The following TNFRSF1B variants were observed in gnomAD, a reference collection of about 807,000 sequenced individuals.
The protein encoded by TNFRSF1B is tumor necrosis factor receptor superfamily member 1B.
A neutral mutation model predicts 44.6 loss-of-function variants in TNFRSF1B; 19 were observed. The ratio of observed to expected loss-of-function variants is 0.43; its 90% CI spans 0.30 to 0.62. TNFRSF1B has a LOEUF of 0.62. TNFRSF1B is among the 20% of genes least tolerant of loss of function. TNFRSF1B has a pLI of 0.16. For missense variants in TNFRSF1B, 541 were observed against 619.9 expected (o/e 0.87, Z 1.35); for synonymous variants, 252 against 261.1 (o/e 0.97, Z 0.34).
intron 1 of TNFRSF1B, among the ~76,000 whole-genome samples, chr1:12,174,160 T>C (rs77984329): frequency 0.025 from 1,699 of 67,604 alleles, 135 homozygotes; most frequent in Middle Eastern, 0.069. Context: ...TTCTTCTTCT[T>C]CTTCTCCTTC....
intron 9 of TNFRSF1B, among the ~76,000 whole-genome samples, chr1:12,202,538 TCTC>T (rs760985536): frequency 1.4e-4 from 21 of 152,144 alleles, no homozygotes; most frequent in Non-Finnish European, 2.4e-4. Context: ...GACATTGTCT[TCTC>T]CTGTCTCCCA....
Position 12,181,708 on chromosome 1 carries a change from TG to T in TNFRSF1B, c.79-7082del, listed in dbSNP as rs532965401. ...AGTCGCCTGCTCGAGCTGCCCTCCC[TG>T]GGGGGAAGGGGATGGGGGCAGAAGC... On this transcript the variant is annotated intron_variant, in intron 1 of 9. Coordinates refer to ENST00000376259, the MANE Select transcript of TNFRSF1B (RefSeq NM_001066.3). Among the ~76,000 whole-genome samples, 324 of 152,232 alleles carry T rather than the reference TG, an allele frequency of 2.1e-3. 3 individuals are homozygous for T. The highest frequency in any genetic ancestry group is 7.5e-3 in the South Asian group (36 of 4,818).
chr1:12,167,144 C>T lies in TNFRSF1B; in HGVS notation c.53C>T (p.Ala18Val). 1.5e-6 allele frequency: 2 copies of T among 1,332,336 alleles called. No individual in the cohort carries two copies. Among genetic ancestry groups the T allele is most frequent in the Non-Finnish European group, 1.9e-6 (2 of 1,037,740 alleles). 82.5% of individuals were successfully genotyped at this position (1,332,336 alleles called of 1,614,324 possible). A position where few individuals can be genotyped will look rare whatever the true frequency, so the allele number is the denominator to read the frequency against. The change falls in exon 1 of 10, where the codon GCT (alanine) becomes GTT (valine). Residue 18 changes from alanine (A) to valine (V), a missense_variant. Physicochemically the swap from Ala to Val is moderately conservative, Grantham distance 64 (BLOSUM62 0). Transcript: ENST00000376259. ...AALAVGLELWAAAHALPAQVA... is the reference protein window; with the variant it reads ...AALAVGLELWVAAHALPAQVA... ...CTGGCCGTCGGACTGGAGCTCTGGG[C>T]TGCGGCGCACGCCTTGCCCGCCCAG...
rs760020939 is a variant in TNFRSF1B, at chr1:12,188,818, C to G, written c.101C>G (p.Pro34Arg). Residue 34 changes from proline to arginine, a missense_variant, in exon 2 of 10, where the codon CCG becomes CGG. Transcript: ENST00000376259. Reference sequence around the variant, plus strand: ...CAGGTGGCATTTACACCCTACGCCCCGGAGCCCGGGAGCACATGCCGGCTC... The same window carrying G: ...CAGGTGGCATTTACACCCTACGCCCGGGAGCCCGGGAGCACATGCCGGCTC... ...PAQVAFTPYAPEPGSTCRLRE... is the reference protein window; with the variant it reads ...PAQVAFTPYAREPGSTCRLRE... 2.8e-5 allele frequency: 45 copies of G among 1,613,816 alleles called. 2 individuals are homozygous for G. The South Asian group carries it at 4.7e-4, about 17-fold the overall frequency.
chr1:12,191,100 A>G lies in TNFRSF1B; in HGVS notation c.307+15A>G, dbSNP rs1557633552. 1.2e-6 allele frequency: 2 copies of G among 1,611,896 alleles called. No individual in the cohort carries two copies. Among genetic ancestry groups the G allele is most frequent in the Non-Finnish European group, 8.5e-7 (1 of 1,178,378 alleles). On this transcript the variant is annotated intron_variant, in intron 3 of 9. Coordinates refer to ENST00000376259, the MANE Select transcript of TNFRSF1B (RefSeq NM_001066.3). ...CTGTAGCTCTGGTGAGTAGGTTCAG[A>G]GAAAAAGGGGGCCCTTACACCCCTG...
At chr1:12,167,897 C>T (rs1638431965) in intron 1 of TNFRSF1B, among the ~76,000 whole-genome samples, 1 of 152,136 alleles carries the variant, frequency 6.6e-6, no homozygotes, top group Non-Finnish European at 1.5e-5. Flanking sequence ...AGCAGAAACC[C>T]TAGGGCTCCT....
rs1273755911 is a variant in TNFRSF1B at position 12,171,421 on chromosome 1, C to T, written c.78+4252C>T. On this transcript the variant is annotated intron_variant, in intron 1 of 9. Transcript: ENST00000376259. This position sits in a 1 kb window ranked among gnomAD's most constrained non-coding sequence, Gnocchi z 4.5. ...CCCATCACCTCCAATACTCCTCCTG[C>T]TGACGTCTCTTGGTCTCCTTCCCTC... Among the ~76,000 whole-genome samples the T allele has an allele frequency of 6.6e-6, 1 of 152,250 alleles. No individual in the cohort carries two copies. Among genetic ancestry groups the T allele is most frequent in the Admixed American group, 6.5e-5 (1 of 15,288 alleles).
intron 1 of TNFRSF1B, among the ~76,000 whole-genome samples, chr1:12,175,967 C>A (rs561722983): frequency 5.4e-4 from 82 of 152,064 alleles, no homozygotes; most frequent in African/African-American, 1.9e-3. Flanking sequence ...GTAATCCCAG[C>A]ACTTTGGGAG....
Position 12,208,584 on chromosome 1 carries a change from T to C in TNFRSF1B, c.*1564T>C, listed in dbSNP as rs1415400307. The C allele has an allele frequency of 2.0e-5, 3 of 152,330 alleles. No individual in the cohort carries two copies. The allele number at this position is 152,330 out of a possible 1,614,324, so 9.4% of individuals were successfully genotyped here. On this transcript the variant is annotated 3_prime_UTR_variant, in exon 10 of 10. Coordinates refer to ENST00000376259, the MANE Select transcript of TNFRSF1B (RefSeq NM_001066.3). ...GGAAACCAGTGTAGCCTTGCCCGGA[T>C]TCTGGGAGGAAGCAGGTTGAGGGGC...
intron 1 of TNFRSF1B, among the ~76,000 whole-genome samples, chr1:12,183,658 A>ATCTATCTATCTATCTATCTAT (rs1553163385): frequency 8.9e-4 from 60 of 67,148 alleles, no homozygotes; most frequent in East Asian, 2.9e-3. Flanking sequence ...TATCTATTTT[A>ATCTATCTATCTATCTATCTAT]TCTATCTATC....
intron 1 of TNFRSF1B, among the ~76,000 whole-genome samples, chr1:12,185,903 A>T (rs1638977028): frequency 6.6e-6 from 1 of 152,144 alleles, no homozygotes; most frequent in Non-Finnish European, 1.5e-5. Flanking sequence ...GGCCATGAGG[A>T]GAGCCATGAG....
At position 12,207,247 on chromosome 1, in the gene TNFRSF1B, G is replaced by A. The variant is rs1296915204; in HGVS notation, c.*227G>A. The A allele has an allele frequency of 2.3e-5, 10 of 438,330 alleles. No individual in the cohort carries two copies. Among genetic ancestry groups the A allele is most frequent in the Middle Eastern group, 5.6e-4 (1 of 1,772 alleles). 27.2% of individuals were successfully genotyped at this position (438,330 alleles called of 1,614,324 possible). On this transcript the variant is annotated 3_prime_UTR_variant, in exon 10 of 10. Coordinates refer to ENST00000376259, the MANE Select transcript of TNFRSF1B (RefSeq NM_001066.3). The stretch of plus-strand genomic sequence containing the variant: ...TCTGCTGCCATGGCGTGTCCCTCTC[G>A]GAAGGCTGGCTGGGCATGGACGTTC...
At chr1:12,206,206 G>A (rs1466060949) in intron 9 of TNFRSF1B, among the ~76,000 whole-genome samples, 1 of 152,058 alleles carries the variant, frequency 6.6e-6, no homozygotes, top group African/African-American at 2.4e-5. Flanking sequence ...CAGGCAACCT[G>A]GCGAAACCCT....
rs60313758 is a variant in TNFRSF1B, at chr1:12,198,691, G to GTTTTTTTT, written c.901-3266_901-3259dup. Reference sequence around the variant, plus strand: ...TGGCTGGCTGGCTGGCTGGAATTCTGTTTTTTTTTTTTTTTTTGAGAAAGA... The same window carrying GTTTTTTTT: ...TGGCTGGCTGGCTGGCTGGAATTCTGTTTTTTTTTTTTTTTTTTTTTTTTTGAGAAAGA... On this transcript the variant is annotated intron_variant, in intron 8 of 9. Coordinates refer to ENST00000376259, the MANE Select transcript of TNFRSF1B (RefSeq NM_001066.3). 3.3e-4 allele frequency among the ~76,000 whole-genome samples: 28 copies of GTTTTTTTT among 85,626 alleles called. 4 individuals are homozygous for GTTTTTTTT. Among genetic ancestry groups the GTTTTTTTT allele is most frequent in the South Asian group, 3.9e-4 (1 of 2,574 alleles). 56.2% of individuals were successfully genotyped at this position (85,626 alleles called of 152,430 possible). A position where few individuals can be genotyped will look rare whatever the true frequency, so the allele number is the denominator to read the frequency against.
intron 1 of TNFRSF1B, among the ~76,000 whole-genome samples, chr1:12,183,805 G>C (rs1299338544): frequency 2.2e-4 from 22 of 101,836 alleles, no homozygotes; most frequent in African/African-American, 7.4e-4. Context: ...TATCTATCTA[G>C]CTATCTATCT....
chr1:12,206,549 A>C (rs1416036406), intron 9 of TNFRSF1B, among the ~76,000 whole-genome samples, 191 bp from the exon 10 acceptor site: 1 of 152,078 alleles, frequency 6.6e-6, no homozygotes, highest in Non-Finnish European at 1.5e-5. Context: ...TATTCGGCAG[A>C]GGGGAAAATG....
intron 8 of TNFRSF1B, among the ~76,000 whole-genome samples, chr1:12,197,933 G>A (rs1570168145): frequency 6.6e-6 from 1 of 152,078 alleles, no homozygotes; most frequent in Admixed American, 6.5e-5. Context: ...AGACCATCCT[G>A]GCTAACACAG....
rs1157856198 is a variant in TNFRSF1B, at chr1:12,190,991, G to A, written c.213G>A (p.Ser71=). 5.0e-6 allele frequency: 8 copies of A among 1,614,128 alleles called. No homozygotes were observed. Among genetic ancestry groups the A allele is most frequent in the South Asian group, 2.2e-5 (2 of 91,076 alleles). ...QHAKVFCTKT[S]DTVCDSCEDS... is the part of the protein sequence containing the mutation. ...CAAAAGTCTTCTGTACCAAGACCTC[G>A]GACACCGTGTGTGACTCCTGTGAGG... Residue 71 remains serine (S), a synonymous_variant, in exon 3 of 10, where the codon TCG becomes TCA. Coordinates refer to ENST00000376259, the MANE Select transcript of TNFRSF1B (RefSeq NM_001066.3).
At chr1:12,201,260 CAAA>C (rs1177930307) in intron 8 of TNFRSF1B, among the ~76,000 whole-genome samples, 2 of 55,788 alleles carry the variant, frequency 3.6e-5, no homozygotes, top group Non-Finnish European at 3.7e-5. Context: ...GACCCTGTCT[CAAA>C]AAAAAAAAAA....
Sources: allele counts gnomAD v4.1 joint callset (sites outside exome capture counted in the v4.1 genomes callset), GRCh38; gene constraint gnomAD v4.1.1; non-coding constraint Gnocchi (gnomAD v3.1); transcripts MANE v1.5; gene names NCBI Gene and HGNC (gene_info 2026-07-23, HGNC 2026-07-21).